Variants in ATOSA observed in about 807,000 individuals in gnomAD.
ATOSA encodes atos homolog protein A.
chr15:52,584,255 C>T, the ATOSA span, among the ~76,000 whole-genome samples: 1 of 151,160 alleles, frequency 6.6e-6, no homozygotes, highest in Admixed American at 6.6e-5. Context: ...AGCAATTCTC[C>T]TGCCTCAGCT....
chr15:52,705,545 AC>A, the ATOSA span, among the ~76,000 whole-genome samples: 9 of 149,844 alleles, frequency 6.0e-5, no homozygotes, highest in Non-Finnish European at 1.3e-4. Context: ...GAAAAAAAAA[AC>A]TTTGTGGTTG....
the ATOSA span, among the ~76,000 whole-genome samples, chr15:52,682,736 C>A: frequency 1.3e-5 from 2 of 152,148 alleles, no homozygotes; most frequent in Non-Finnish European, 2.9e-5. Flanking sequence ...ATAAATAAAT[C>A]TGTTCTTGCA....
chr15:52,706,312 T>C, the ATOSA span, among the ~76,000 whole-genome samples: 1 of 152,196 alleles, frequency 6.6e-6, no homozygotes, highest in African/African-American at 2.4e-5. Flanking sequence ...CCAACCAATT[T>C]GTGAACACAG....
chr15:52,607,285 A>C, the ATOSA span, among the ~76,000 whole-genome samples: 1 of 152,226 alleles, frequency 6.6e-6, no homozygotes, highest in African/African-American at 2.4e-5. Context: ...CAATGGGCAC[A>C]CCGCTAATAT....
the ATOSA span, among the ~76,000 whole-genome samples, chr15:52,624,465 C>A: frequency 1.3e-5 from 2 of 152,164 alleles, no homozygotes; most frequent in Non-Finnish European, 2.9e-5. Flanking sequence ...ATTTCACCTC[C>A]TCATGGGTAA....
At chr15:52,641,718 C>A in the ATOSA span, among the ~76,000 whole-genome samples, 1,160 of 152,252 alleles carry the variant, frequency 7.6e-3, 16 homozygotes, top group African/African-American at 0.027. Context: ...TTGTAAATGG[C>A]AGTTGTAAAT....
chr15:52,618,600 T>A, the ATOSA span, among the ~76,000 whole-genome samples: 1 of 152,210 alleles, frequency 6.6e-6, no homozygotes, highest in Non-Finnish European at 1.5e-5. Flanking sequence ...ACAAAGCTCC[T>A]AGCAGGGAGT....
At chr15:52,594,093 G>C in the ATOSA span, among the ~76,000 whole-genome samples, 1 of 152,162 alleles carries the variant, frequency 6.6e-6, no homozygotes, top group Admixed American at 6.5e-5. Context: ...CTCTATCAGA[G>C]CAGGTATTTA....
At chr15:52,674,973 G>C in the ATOSA span, among the ~76,000 whole-genome samples, 21 of 151,924 alleles carry the variant, frequency 1.4e-4, no homozygotes, top group African/African-American at 4.6e-4. Context: ...TTCTAACTGT[G>C]AGAAGTTGGA....
chr15:52,677,221 T>C, the ATOSA span, among the ~76,000 whole-genome samples: 1 of 152,216 alleles, frequency 6.6e-6, no homozygotes, highest in African/African-American at 2.4e-5. Flanking sequence ...ATCTGTCATC[T>C]AGTCCAGCCC....
chr15:52,665,793 C>T, the ATOSA span, among the ~76,000 whole-genome samples: 1 of 151,976 alleles, frequency 6.6e-6, no homozygotes, highest in African/African-American at 2.4e-5. Context: ...TTATGTTATC[C>T]ACATTTTACC....
chr15:52,585,789 C>T, the ATOSA span, among the ~76,000 whole-genome samples: 2 of 152,110 alleles, frequency 1.3e-5, no homozygotes, highest in African/African-American at 4.8e-5. Flanking sequence ...ACCAAATTAC[C>T]AACACATCAA....
the ATOSA span, chr15:52,609,512 C>T: frequency 4.3e-6 from 7 of 1,613,830 alleles, no homozygotes; most frequent in South Asian, 5.5e-5. Flanking sequence ...GTCTCTCCAA[C>T]AGGCATATGA....
At chr15:52,595,538 T>A in the ATOSA span, among the ~76,000 whole-genome samples, 1 of 146,862 alleles carries the variant, frequency 6.8e-6, no homozygotes, top group Middle Eastern at 3.5e-3. Flanking sequence ...CAGTGCAGTA[T>A]GACAAGAAAA....
chr15:52,672,529 C>G, the ATOSA span, among the ~76,000 whole-genome samples: 1 of 149,934 alleles, frequency 6.7e-6, no homozygotes, highest in Non-Finnish European at 1.5e-5. Context: ...TATTGTTAGT[C>G]TGAGTTTAAT....
At chr15:52,660,141 T>C in the ATOSA span, among the ~76,000 whole-genome samples, 8 of 152,234 alleles carry the variant, frequency 5.3e-5, no homozygotes, top group East Asian at 9.6e-4. Flanking sequence ...AGAACTTACA[T>C]AGTAGTTGTT....
chr15:52,685,731 C>T, the ATOSA span, among the ~76,000 whole-genome samples: 8 of 152,062 alleles, frequency 5.3e-5, no homozygotes, highest in South Asian at 1.0e-3. Context: ...TTTTTAGAGA[C>T]AGGGTCTCAC....
At chr15:52,673,243 G>C in the ATOSA span, among the ~76,000 whole-genome samples, 5 of 152,222 alleles carry the variant, frequency 3.3e-5, no homozygotes, top group African/African-American at 1.2e-4. Context: ...CTGAGGCAGA[G>C]AGGACAAGCA....
the ATOSA span, among the ~76,000 whole-genome samples, chr15:52,583,704 A>G: frequency 6.6e-6 from 1 of 152,184 alleles, no homozygotes; most frequent in Non-Finnish European, 1.5e-5. Context: ...TCTTTTAAAA[A>G]AAGTTTTCCA....
Sources: gnomAD v4.1 joint callset for allele counts (sites outside exome capture counted in the v4.1 genomes callset) on GRCh38, gnomAD v4.1.1 for gene constraint, MANE v1.5 for transcripts, NCBI Gene and HGNC (gene_info 2026-07-23, HGNC 2026-07-21) for gene names.